Variants in PGCKA1 observed in about 807,000 individuals in gnomAD.
The protein encoded by PGCKA1 is PDCD10 and GCKIII kinases associated 1.
At chr4:37,556,363 G>A in the PGCKA1 span, among the ~76,000 whole-genome samples, 1 of 152,088 alleles carries the variant, frequency 6.6e-6, no homozygotes, top group South Asian at 2.1e-4. Context: ...TGTCCCCGGG[G>A]TTCAAGCGAT....
chr4:37,523,100 G>C, the PGCKA1 span, among the ~76,000 whole-genome samples: 46,394 of 151,950 alleles, frequency 0.31, 8,333 homozygotes, highest in African/African-American at 0.49. Context: ...AGTTTACTGG[G>C]AGACACAGAG....
chr4:37,500,042 C>G, the PGCKA1 span, among the ~76,000 whole-genome samples: 1 of 151,264 alleles, frequency 6.6e-6, no homozygotes, highest in East Asian at 2.0e-4. Flanking sequence ...CCTGCCTCAG[C>G]CTCCCGAGTA....
At chr4:37,589,219 T>G in the PGCKA1 span, among the ~76,000 whole-genome samples, 1 of 152,208 alleles carries the variant, frequency 6.6e-6, no homozygotes, top group Admixed American at 6.6e-5. Context: ...TGCTTTTAAT[T>G]TTGTCCACAT....
At chr4:37,507,821 C>T in the PGCKA1 span, among the ~76,000 whole-genome samples, 238 of 152,252 alleles carry the variant, frequency 1.6e-3, no homozygotes, top group Non-Finnish European at 2.1e-3. Flanking sequence ...CCTTTTCTTT[C>T]TGATTGAAAT....
At chr4:37,574,595 G>T in the PGCKA1 span, among the ~76,000 whole-genome samples, 2 of 152,090 alleles carry the variant, frequency 1.3e-5, no homozygotes, top group African/African-American at 2.4e-5. Flanking sequence ...TATCCTTTGT[G>T]TTATAAACAA....
chr4:37,488,863 C>T, the PGCKA1 span, among the ~76,000 whole-genome samples: 9 of 152,162 alleles, frequency 5.9e-5, no homozygotes, highest in Non-Finnish European at 1.2e-4. Flanking sequence ...CTTAGTCCTC[C>T]AGTTGACCCT....
At chr4:37,470,867 T>A in the PGCKA1 span, among the ~76,000 whole-genome samples, 2 of 152,294 alleles carry the variant, frequency 1.3e-5, no homozygotes, top group African/African-American at 2.4e-5. Context: ...TTATTTTGAG[T>A]GGCTATGTGT....
the PGCKA1 span, among the ~76,000 whole-genome samples, chr4:37,541,440 G>T: frequency 6.6e-6 from 1 of 152,306 alleles, no homozygotes; most frequent in East Asian, 1.9e-4. Flanking sequence ...TTGGGACAAT[G>T]ATAGACCCTT....
At chr4:37,470,460 G>A in the PGCKA1 span, among the ~76,000 whole-genome samples, 97 of 152,224 alleles carry the variant, frequency 6.4e-4, no homozygotes, top group African/African-American at 2.2e-3. Flanking sequence ...TTTGCCTACT[G>A]TATGGTACTA....
At chr4:37,550,624 T>C in the PGCKA1 span, among the ~76,000 whole-genome samples, 1 of 152,162 alleles carries the variant, frequency 6.6e-6, no homozygotes, top group Admixed American at 6.5e-5. Flanking sequence ...GTAAACATCT[T>C]AATAAAAGGA....
the PGCKA1 span, among the ~76,000 whole-genome samples, chr4:37,544,973 A>G: frequency 6.6e-6 from 1 of 151,634 alleles, no homozygotes; most frequent in African/African-American, 2.4e-5. Flanking sequence ...CTCCTGCCTC[A>G]GCCTCCCAAG....
the PGCKA1 span, among the ~76,000 whole-genome samples, chr4:37,494,384 G>T: frequency 6.5e-3 from 986 of 152,192 alleles, 23 homozygotes; most frequent in East Asian, 0.074. Context: ...TGCAATATTT[G>T]GTTTTCTGTT....
the PGCKA1 span, among the ~76,000 whole-genome samples, chr4:37,496,583 T>A: frequency 3.3e-5 from 5 of 152,226 alleles, no homozygotes; most frequent in Non-Finnish European, 5.9e-5. Context: ...CTTGGCCATT[T>A]GGGCTCTTTT....
chr4:37,582,960 A>G, the PGCKA1 span, among the ~76,000 whole-genome samples: 1 of 152,310 alleles, frequency 6.6e-6, no homozygotes, highest in Admixed American at 6.5e-5. Context: ...TATGATGGCT[A>G]TCAAATGATT....
chr4:37,520,067 T>C, the PGCKA1 span, among the ~76,000 whole-genome samples: 1 of 152,362 alleles, frequency 6.6e-6, no homozygotes, highest in Middle Eastern at 3.4e-3. Context: ...TCACATTGGT[T>C]GATTTGCATA....
the PGCKA1 span, among the ~76,000 whole-genome samples, chr4:37,515,430 C>T: frequency 2.0e-5 from 3 of 152,130 alleles, no homozygotes; most frequent in Non-Finnish European, 4.4e-5. Flanking sequence ...CAAAGACCCC[C>T]CACTCAATAG....
chr4:37,512,807 T>G, the PGCKA1 span, among the ~76,000 whole-genome samples: 2 of 151,962 alleles, frequency 1.3e-5, no homozygotes, highest in African/African-American at 4.8e-5. Context: ...TCTCATTTCC[T>G]GCTGGACGAG....
At chr4:37,563,399 A>G in the PGCKA1 span, among the ~76,000 whole-genome samples, 218 of 152,220 alleles carry the variant, frequency 1.4e-3, no homozygotes, top group Non-Finnish European at 2.5e-3. Context: ...CTCTGGACCC[A>G]CCAGCACCAT....
At chr4:37,590,663 A>T in the PGCKA1 span, 1 of 1,614,158 alleles carries the variant, frequency 6.2e-7, no homozygotes, top group Non-Finnish European at 8.5e-7. Flanking sequence ...GATCATAATG[A>T]AAAGGACTGT....
Sources: gnomAD v4.1 joint callset for allele counts (sites outside exome capture counted in the v4.1 genomes callset) on GRCh38, gnomAD v4.1.1 for gene constraint, MANE v1.5 for transcripts, NCBI Gene and HGNC (gene_info 2026-07-23, HGNC 2026-07-21) for gene names.